Variants in COL4A2 observed in about 807,000 individuals in gnomAD.
The protein encoded by COL4A2 is collagen type IV alpha 2 chain, also known as collagen alpha-2(IV) chain.
A neutral mutation model predicts 200.2 loss-of-function variants in COL4A2; 99 were observed. The ratio of observed to expected loss-of-function variants is 0.49; its 90% CI spans 0.42 to 0.58. The LOEUF (loss-of-function observed/expected upper bound fraction) is 0.58, where lower values mean the gene tolerates loss of function less well. Among genes scored for constraint, COL4A2 ranks in the 20% least tolerant of loss-of-function variants. The probability of loss-of-function intolerance (pLI) is 0.00; values close to 1 mark genes in which losing one functional copy is unlikely to be tolerated. For missense variants in COL4A2, 1,950 were observed against 2,314.1 expected (o/e 0.84, Z 3.23); for synonymous variants, 897 against 900.6 (o/e 1.00, Z 0.07).
At chr13:110,384,747 G>T (rs185169328) in intron 4 of COL4A2, among the ~76,000 whole-genome samples, 1 of 152,306 alleles carries the variant, frequency 6.6e-6, no homozygotes, top group Admixed American at 6.5e-5. Context: ...ACCCTCCAAA[G>T]CCACTGTCTT....
chr13:110,317,849 C>T (rs9515189), intron 3 of COL4A2, among the ~76,000 whole-genome samples: 36,425 of 152,118 alleles, frequency 0.24, 4,613 homozygotes, highest in Middle Eastern at 0.4. Context: ...CTTACTGAAA[C>T]GCTATGGGCA....
chr13:110,491,435 A>G (rs1883281960), intron 37 of COL4A2, 95 bp downstream of exon 37: 1 of 847,840 alleles, frequency 1.2e-6, no homozygotes. Flanking sequence ...CTCCAATCAC[A>G]CCCAACCCTG....
chr13:110,438,581 C>T, intron 14 of COL4A2, 37 bp from the exon 15 acceptor site: 2 of 1,613,976 alleles, frequency 1.2e-6, no homozygotes, highest in Non-Finnish European at 1.7e-6. Flanking sequence ...GGGGCCGCCC[C>T]TGGGTTGCTC....
intron 21 of COL4A2, chr13:110,458,289 G>A (rs1344439765): frequency 1.3e-5 from 5 of 374,694 alleles, no homozygotes; most frequent in Non-Finnish European, 2.1e-5. Flanking sequence ...GGGTTCAGCT[G>A]TGGCAAAACA....
intron 3 of COL4A2, among the ~76,000 whole-genome samples, chr13:110,317,329 CACTT>C (rs1450906999): frequency 1.3e-5 from 2 of 151,594 alleles, no homozygotes; most frequent in Non-Finnish European, 2.9e-5. Flanking sequence ...CAGAGACACA[CACTT>C]GCACCCACAC....
chr13:110,398,567 C>T (rs1290243058), intron 4 of COL4A2, among the ~76,000 whole-genome samples: 1 of 152,050 alleles, frequency 6.6e-6, no homozygotes, highest in Non-Finnish European at 1.5e-5. Flanking sequence ...GTGGCAAATG[C>T]CTATAATCAC....
rs1212733373 is a variant in COL4A2, at chr13:110,495,346, T to C, written c.3639T>C (p.Ser1213=). Residue 1213 remains serine, a synonymous_variant, in exon 40 of 48, where the codon TCT becomes TCC. Coordinates refer to ENST00000360467, the MANE Select transcript of COL4A2 (RefSeq NM_001846.4). ...GTKGFPGSPG[S]DIHGDPGFPG... is the part of the protein sequence containing the mutation. ...GCTGTTATAACTCTTCCACAGGTTC[T>C]GACATCCACGGAGACCCAGGCTTCC... is the stretch of plus-strand genomic sequence containing the variant. 6.2e-7 allele frequency: 1 copy of C among 1,614,062 alleles called. No homozygotes were observed. The highest frequency in any genetic ancestry group is 8.5e-7 in the Non-Finnish European group (1 of 1,180,028).
At chr13:110,339,491 G>C (rs755939089) in intron 3 of COL4A2, among the ~76,000 whole-genome samples, 1 of 152,110 alleles carries the variant, frequency 6.6e-6, no homozygotes, top group Non-Finnish European at 1.5e-5. Context: ...TACTGCCTCC[G>C]ACCCAATTGT....
intron 20 of COL4A2, among the ~76,000 whole-genome samples, chr13:110,454,433 T>C (rs1043459382): frequency 1.3e-5 from 2 of 152,098 alleles, no homozygotes; most frequent in East Asian, 1.9e-4. Flanking sequence ...AGATTGACAA[T>C]GGTGACATCT....
intron 16 of COL4A2, among the ~76,000 whole-genome samples, chr13:110,442,998 A>G (rs1291063831): frequency 3.3e-5 from 5 of 152,182 alleles, no homozygotes; most frequent in African/African-American, 1.2e-4. Flanking sequence ...CCAGGACTTC[A>G]GGGATGTTGC....
chr13:110,330,522 A>G (rs1387927371), intron 3 of COL4A2, among the ~76,000 whole-genome samples: 1 of 152,186 alleles, frequency 6.6e-6, no homozygotes, highest in African/African-American at 2.4e-5. Context: ...TCATCTAAGC[A>G]ACTCTGAAAA....
At chr13:110,350,159 A>C (rs971759379) in intron 3 of COL4A2, among the ~76,000 whole-genome samples, 5 of 152,156 alleles carry the variant, frequency 3.3e-5, no homozygotes, top group Non-Finnish European at 5.9e-5. Context: ...GAAATCCCTC[A>C]CTCAAAGATT....
chr13:110,510,854 C>T (rs752736884), intron 47 of COL4A2, among the ~76,000 whole-genome samples: 16 of 152,224 alleles, frequency 1.1e-4, no homozygotes, highest in Non-Finnish European at 2.2e-4. Flanking sequence ...AAAGTGAAGC[C>T]GGAGGTGCCC....
At chr13:110,492,028 G>A in intron 37 of COL4A2, 42 bp from the exon 38 acceptor site, 1 of 1,514,016 alleles carries the variant, frequency 6.6e-7, no homozygotes, top group Non-Finnish European at 8.9e-7. Flanking sequence ...CAGCGCCCAA[G>A]GTGTCCTGTG....
chr13:110,351,312 C>T (rs1181165933), intron 3 of COL4A2, among the ~76,000 whole-genome samples: 1 of 152,120 alleles, frequency 6.6e-6, no homozygotes, highest in Non-Finnish European at 1.5e-5. Flanking sequence ...TGAGCTCAAG[C>T]GATCTGCCTG....
At chr13:110,475,224 G>A (rs1566555959) in intron 29 of COL4A2, among the ~76,000 whole-genome samples, 1 of 152,250 alleles carries the variant, frequency 6.6e-6, no homozygotes. Flanking sequence ...GACTCTCCAG[G>A]TCATTTATGG....
At chr13:110,474,578 G>T (rs1212253461) in intron 29 of COL4A2, among the ~76,000 whole-genome samples, 1 of 149,328 alleles carries the variant, frequency 6.7e-6, no homozygotes, top group South Asian at 2.1e-4. Flanking sequence ...ACACATTCAC[G>T]GTCACACTCA....
chr13:110,426,196 T>C (rs939774929), intron 6 of COL4A2, among the ~76,000 whole-genome samples: 2 of 152,358 alleles, frequency 1.3e-5, no homozygotes, highest in African/African-American at 4.8e-5. Flanking sequence ...TCTTTTGAAC[T>C]CTTTGGAGTG....
intron 3 of COL4A2, among the ~76,000 whole-genome samples, chr13:110,329,047 ATTC>A (rs1875777142): frequency 6.6e-6 from 1 of 152,222 alleles, no homozygotes; most frequent in African/African-American, 2.4e-5. Flanking sequence ...CGAAAAATAA[ATTC>A]TTCTTCTATT....
Sources: gnomAD v4.1 joint callset for allele counts (sites outside exome capture counted in the v4.1 genomes callset) on GRCh38, gnomAD v4.1.1 for gene constraint, MANE v1.5 for transcripts, NCBI Gene and HGNC (gene_info 2026-07-23, HGNC 2026-07-21) for gene names.